The following CAB39L variants were observed in gnomAD, a reference collection of about 807,000 sequenced individuals.
CAB39L encodes the protein calcium-binding protein 39-like.
Under a neutral mutation model 39.1 loss-of-function variants are expected in CAB39L, and 23 were observed. The observed-to-expected ratio is 0.59, with a 90% CI of 0.42 to 0.83. The LOEUF (loss-of-function observed/expected upper bound fraction) is 0.83. CAB39L is among the 40% of genes least tolerant of loss of function. The pLI is 0.00. For synonymous variants in CAB39L, 126 were observed against 137.2 expected (o/e 0.92, Z 0.57); for missense variants, 366 against 391.9 (o/e 0.93, Z 0.56).
intron 3 of CAB39L, among the ~76,000 whole-genome samples, chr13:49,384,048 G>C (rs951358013): frequency 6.6e-6 from 1 of 152,144 alleles, no homozygotes; most frequent in Admixed American, 6.5e-5. Context: ...TCCTTTCATG[G>C]AAGATTTCTC....
chr13:49,322,011 T>C (rs965752108), intron 10 of CAB39L, among the ~76,000 whole-genome samples: 2 of 152,216 alleles, frequency 1.3e-5, no homozygotes, highest in Admixed American at 6.5e-5. Context: ...GACTATATAG[T>C]TGACTCATTT....
intron 6 of CAB39L, among the ~76,000 whole-genome samples, chr13:49,356,258 C>T (rs1334506748): frequency 6.6e-6 from 1 of 152,078 alleles, no homozygotes; most frequent in East Asian, 1.9e-4. Flanking sequence ...AATGAAACTG[C>T]TTAAAATTTT....
At chr13:49,332,406 G>A (rs373695081) in intron 9 of CAB39L, among the ~76,000 whole-genome samples, 1 of 152,148 alleles carries the variant, frequency 6.6e-6, no homozygotes, top group African/African-American at 2.4e-5. Flanking sequence ...TCGCACTAAT[G>A]TATTGCTCCA....
At chr13:49,395,262 G>C (rs760303019) in intron 3 of CAB39L, among the ~76,000 whole-genome samples, 2 of 147,444 alleles carry the variant, frequency 1.4e-5, no homozygotes, top group Admixed American at 1.4e-4. Context: ...CTGAGACGGA[G>C]TCTCACTCTA....
At chr13:49,357,600 T>A (rs1955523012) in intron 6 of CAB39L, among the ~76,000 whole-genome samples, 1 of 152,260 alleles carries the variant, frequency 6.6e-6, no homozygotes, top group Non-Finnish European at 1.5e-5. Flanking sequence ...TTTTAGTTTT[T>A]AAATAATAAC....
intron 10 of CAB39L, among the ~76,000 whole-genome samples, chr13:49,326,166 C>T (rs1954491406): frequency 2.0e-5 from 3 of 152,162 alleles, no homozygotes; most frequent in Non-Finnish European, 4.4e-5. Flanking sequence ...CAACACGGCC[C>T]TTTGCTATCA....
intron 1 of CAB39L, among the ~76,000 whole-genome samples, chr13:49,443,493 G>C (rs578061479): frequency 5.3e-5 from 8 of 152,244 alleles, no homozygotes; most frequent in African/African-American, 1.9e-4. Context: ...CCTCGAAAAG[G>C]ACGGAAGAGG....
rs190919590 is a variant in CAB39L at position 49,422,500 on chromosome 13, G to A, written c.-32+10818C>T. ...GAGGCAGAAGAATGGCTTGAACTGGGAGGTGGAGGTTACAGTGAGCTGAGA... is the reference window on the plus strand; with the variant it reads ...GAGGCAGAAGAATGGCTTGAACTGGAAGGTGGAGGTTACAGTGAGCTGAGA... On this transcript the variant is annotated intron_variant, in intron 3 of 10. Transcript: ENST00000409308. Among the ~76,000 whole-genome samples, 109 of 152,326 alleles carry A rather than the reference G, an allele frequency of 7.2e-4. 3 individuals carry two copies. Among genetic ancestry groups the A allele is most frequent in the South Asian group, 2.3e-3 (11 of 4,828 alleles).
chr13:49,387,364 A>G (rs1012403737), intron 3 of CAB39L, among the ~76,000 whole-genome samples: 1 of 152,236 alleles, frequency 6.6e-6, no homozygotes, highest in African/African-American at 2.4e-5. Flanking sequence ...GAGTTTTAAG[A>G]ACATACATTC....
intron 5 of CAB39L, among the ~76,000 whole-genome samples, chr13:49,375,329 T>A (rs1424465088): frequency 6.6e-6 from 1 of 152,180 alleles, no homozygotes; most frequent in Non-Finnish European, 1.5e-5. Context: ...CCGAGTCAAG[T>A]GTGTTTTTCA....
At chr13:49,409,153 C>G (rs891736316) in intron 3 of CAB39L, among the ~76,000 whole-genome samples, 4 of 152,218 alleles carry the variant, frequency 2.6e-5, no homozygotes, top group Admixed American at 1.3e-4. Flanking sequence ...TCAGAGCATA[C>G]AGCAGTACAG....
At chr13:49,352,893 T>C (rs1270751685) in intron 6 of CAB39L, among the ~76,000 whole-genome samples, 4 of 152,236 alleles carry the variant, frequency 2.6e-5, no homozygotes, top group Non-Finnish European at 5.9e-5. Flanking sequence ...ACAACATTTG[T>C]TGAACAATAA....
chr13:49,344,651 A>G (rs1001741308), intron 7 of CAB39L, among the ~76,000 whole-genome samples: 40 of 151,430 alleles, frequency 2.6e-4, no homozygotes, highest in African/African-American at 9.7e-4. Flanking sequence ...CCTCCTGAGT[A>G]GCTGGGACTA....
At chr13:49,344,773 C>T (rs1955100381) in intron 7 of CAB39L, among the ~76,000 whole-genome samples, 1 of 152,116 alleles carries the variant, frequency 6.6e-6, no homozygotes, top group Non-Finnish European at 1.5e-5. Flanking sequence ...CCACCTGCCT[C>T]GGCCTCCCAA....
At position 49,331,998 on chromosome 13, in the gene CAB39L, G is replaced by A. The variant is rs2138393890; in HGVS notation, c.783C>T (p.Leu261=). 6.2e-7 allele frequency: 1 copy of A among 1,614,082 alleles called. No individual in the cohort carries two copies. The highest frequency in any genetic ancestry group is 2.2e-5 in the East Asian group (1 of 44,878). ...KPENLKLMMN[L]LRDKSPNIQF... ...GGATGTTGGGACTTTTATCCCGAAGGAGGTTCATCATGAGTTTCAGGTTCT... is the reference window on the plus strand; with the variant it reads ...GGATGTTGGGACTTTTATCCCGAAGAAGGTTCATCATGAGTTTCAGGTTCT... The change falls in exon 10 of 11, where the codon CTC becomes CTT. Residue 261 remains leucine (L), a synonymous_variant. Transcript: ENST00000409308.
chr13:49,442,998 T>A (rs1319774313), intron 1 of CAB39L, among the ~76,000 whole-genome samples: 1 of 148,760 alleles, frequency 6.7e-6, no homozygotes, highest in Non-Finnish European at 1.5e-5. Context: ...TACCACAAAA[T>A]ATTAGCCTTT....
At chr13:49,418,299 T>C (rs1395414025) in intron 3 of CAB39L, among the ~76,000 whole-genome samples, 1 of 152,232 alleles carries the variant, frequency 6.6e-6, no homozygotes, top group Admixed American at 6.5e-5. Flanking sequence ...TATTGTATGA[T>C]TCCATTCATA....
At chr13:49,407,873 A>AAT (rs1257507167) in intron 3 of CAB39L, among the ~76,000 whole-genome samples, 1 of 151,284 alleles carries the variant, frequency 6.6e-6, no homozygotes, top group Non-Finnish European at 1.5e-5. Context: ...AAAAAAAAAA[A>AAT]AAAAATAGAA....
chr13:49,421,446 C>T (rs1211768473), intron 3 of CAB39L, among the ~76,000 whole-genome samples: 1 of 152,156 alleles, frequency 6.6e-6, no homozygotes, highest in Admixed American at 6.5e-5. Flanking sequence ...CATTCATCCC[C>T]CTTGAGCATG....
Sources: allele counts gnomAD v4.1 joint callset (sites outside exome capture counted in the v4.1 genomes callset), GRCh38; gene constraint gnomAD v4.1.1; transcripts MANE v1.5; gene names NCBI Gene and HGNC (gene_info 2026-07-23, HGNC 2026-07-21).